The following C8A variants were observed in gnomAD, a reference collection of about 807,000 sequenced individuals.
C8A encodes complement component C8 alpha chain.
In C8A, 67 loss-of-function variants were observed where a neutral mutation model predicts 65.3. That is an observed-to-expected ratio of 1.03 (90% confidence interval 0.84 to 1.26). The LOEUF (loss-of-function observed/expected upper bound fraction) is 1.26, where lower values mean the gene tolerates loss of function less well. Among genes scored for constraint, C8A ranks in the 50% most tolerant of loss-of-function variants. C8A has a pLI of 0.00. For synonymous variants in C8A, 290 were observed against 259.4 expected (o/e 1.12, Z -1.13); for missense variants, 781 against 723.9 (o/e 1.08, Z -0.90).
At chr1:56,903,328 C>T (rs770756084) in intron 7 of C8A, among the ~76,000 whole-genome samples, 2 of 152,000 alleles carry the variant, frequency 1.3e-5, no homozygotes, top group Admixed American at 1.3e-4. Context: ...AGGGGGTTTC[C>T]CCCTTTGCTT....
intron 3 of C8A, 149 bp from the exon 4 acceptor site, chr1:56,875,913 G>A (rs1644193705): frequency 2.7e-6 from 3 of 1,096,638 alleles, no homozygotes; most frequent in Non-Finnish European, 4.0e-6. Context: ...GAGCTCATTA[G>A]GCTGGAAGGA....
intron 7 of C8A, among the ~76,000 whole-genome samples, chr1:56,897,736 G>A (rs1644396805): frequency 6.6e-6 from 1 of 152,084 alleles, no homozygotes; most frequent in Non-Finnish European, 1.5e-5. Flanking sequence ...ATTTACCCTT[G>A]TTGCACAAAG....
intron 1 of C8A, among the ~76,000 whole-genome samples, chr1:56,864,736 T>C (rs1056016991): frequency 1.3e-5 from 2 of 152,178 alleles, no homozygotes; most frequent in African/African-American, 4.8e-5. Flanking sequence ...TGAAGTTTTC[T>C]TTGAAGGGAT....
At chr1:56,872,905 A>AAAG (rs1553174297) in intron 2 of C8A, among the ~76,000 whole-genome samples, 31 of 151,918 alleles carry the variant, frequency 2.0e-4, no homozygotes, top group Admixed American at 3.3e-4. Flanking sequence ...GAGGAAAAAA[A>AAAG]AAAGAAAGAA....
At chr1:56,862,135 A>C (rs1282900644) in intron 1 of C8A, among the ~76,000 whole-genome samples, 1 of 152,244 alleles carries the variant, frequency 6.6e-6, no homozygotes, top group Non-Finnish European at 1.5e-5. Context: ...TGACAAGGTT[A>C]GAGTGATGCT....
intron 10 of C8A, among the ~76,000 whole-genome samples, chr1:56,914,325 G>T (rs1308561459): frequency 4.6e-5 from 7 of 152,102 alleles, no homozygotes; most frequent in Non-Finnish European, 1.0e-4. Context: ...ACTTTTCAGG[G>T]AGTTGGAAGA....
At chr1:56,865,833 T>G (rs1644080569) in intron 1 of C8A, among the ~76,000 whole-genome samples, 1 of 152,212 alleles carries the variant, frequency 6.6e-6, no homozygotes. Context: ...ACAGGTTTGA[T>G]GTTTAGATAT....
intron 10 of C8A, among the ~76,000 whole-genome samples, chr1:56,916,566 C>T (rs1158111255): frequency 6.6e-6 from 1 of 152,186 alleles, no homozygotes; most frequent in Non-Finnish European, 1.5e-5. Context: ...CAATGATAGT[C>T]ACACTGTGAT....
At chr1:56,869,143 A>C (rs1644119036) in intron 2 of C8A, among the ~76,000 whole-genome samples, 1 of 152,104 alleles carries the variant, frequency 6.6e-6, no homozygotes, top group African/African-American at 2.4e-5. Context: ...CACTGTACCC[A>C]ATGTGTAGTC....
intron 2 of C8A, among the ~76,000 whole-genome samples, chr1:56,869,978 T>C (rs1288937713): frequency 1.3e-5 from 2 of 152,166 alleles, no homozygotes; most frequent in African/African-American, 4.8e-5. Flanking sequence ...AATTTTGACC[T>C]AGTTCATTCA....
In C8A at chr1:56,885,963, A is replaced by T. The variant is rs773356663; in HGVS notation, c.892A>T (p.Thr298Ser). Residue 298 changes from threonine (T) to serine (S), a missense_variant, in exon 7 of 11, where the codon ACT becomes TCT. Thr to Ser is a moderately conservative substitution (Grantham distance 58, BLOSUM62 1). Coordinates refer to ENST00000361249, the MANE Select transcript of C8A (RefSeq NM_000562.3). ...CACAAGAATCTTCACAAAGGTGCAG[A>T]CTGCACATTTTAAGATGAGGAAGGA... ...IFTRIFTKVQTAHFKMRKDDI... is the reference protein window; with the variant it reads ...IFTRIFTKVQSAHFKMRKDDI... 2.2e-5 allele frequency: 36 copies of T among 1,613,810 alleles called. No homozygotes were observed. The South Asian group carries it at 3.6e-4, about 16-fold the overall frequency.
intron 7 of C8A, among the ~76,000 whole-genome samples, chr1:56,896,497 G>A (rs1188778426): frequency 6.6e-6 from 1 of 152,170 alleles, no homozygotes. Context: ...TTGAAGAAAG[G>A]AAGACTCTTC....
chr1:56,908,006 G>C lies in C8A; in HGVS notation c.1273G>C (p.Gly425Arg), dbSNP rs1373661992. ...AVEDIISRVR[G>R]GSSGWSGGLA... is the part of the protein sequence containing the mutation. ...GGAAGACATTATTTCTCGGGTGCGAGGTGGCAGTTCTGGCTGGAGCGGTGG... is the reference window on the plus strand; with the variant it reads ...GGAAGACATTATTTCTCGGGTGCGACGTGGCAGTTCTGGCTGGAGCGGTGG... The change falls in exon 9 of 11, where the codon GGT becomes CGT. Residue 425 changes from glycine to arginine, a missense_variant. Coordinates refer to ENST00000361249, the MANE Select transcript of C8A (RefSeq NM_000562.3). 1 of 1,614,168 alleles carries C rather than the reference G, an allele frequency of 6.2e-7. No homozygotes were observed. Among genetic ancestry groups the C allele is most frequent in the African/African-American group, 1.3e-5 (1 of 75,030 alleles).
At chr1:56,900,312 G>A (rs758576722) in intron 7 of C8A, among the ~76,000 whole-genome samples, 2 of 152,194 alleles carry the variant, frequency 1.3e-5, no homozygotes, top group Non-Finnish European at 2.9e-5. Flanking sequence ...TTAGTCCTGG[G>A]TGACTTTGGC....
intron 4 of C8A, among the ~76,000 whole-genome samples, chr1:56,879,828 C>T (rs1644233137): frequency 6.6e-6 from 1 of 152,126 alleles, no homozygotes; most frequent in African/African-American, 2.4e-5. Context: ...CTACAATCTG[C>T]CAGGTGCTCT....
intron 6 of C8A, among the ~76,000 whole-genome samples, chr1:56,884,422 A>G (rs1010135500): frequency 6.6e-6 from 1 of 152,166 alleles, no homozygotes; most frequent in Non-Finnish European, 1.5e-5. Flanking sequence ...GAAGCTTACT[A>G]AAAATTCTCA....
At chr1:56,873,636 G>C (rs1278625540) in intron 2 of C8A, among the ~76,000 whole-genome samples, 1 of 152,122 alleles carries the variant, frequency 6.6e-6, no homozygotes, top group African/African-American at 2.4e-5. Context: ...AATTGATTGA[G>C]GTAGGAAACC....
At chr1:56,877,568 G>C (rs926767200) in intron 4 of C8A, among the ~76,000 whole-genome samples, 12 of 152,118 alleles carry the variant, frequency 7.9e-5, no homozygotes, top group Admixed American at 3.3e-4. Flanking sequence ...TTTGCCTAGG[G>C]TCTTGTCTCC....
chr1:56,906,099 C>T (rs138985648), intron 7 of C8A, among the ~76,000 whole-genome samples: 16 of 152,036 alleles, frequency 1.1e-4, no homozygotes, highest in African/African-American at 2.7e-4. Flanking sequence ...CTCTCTGGGG[C>T]GCAAAGAGGA....
Sources: gnomAD v4.1 joint callset for allele counts (sites outside exome capture counted in the v4.1 genomes callset) on GRCh38, gnomAD v4.1.1 for gene constraint, MANE v1.5 for transcripts, NCBI Gene and HGNC (gene_info 2026-07-23, HGNC 2026-07-21) for gene names.